The following MED15 variants were observed in gnomAD, a reference collection of about 807,000 sequenced individuals.
MED15 encodes mediator complex subunit 15.
Under a neutral mutation model 118.7 loss-of-function variants are expected in MED15, and 41 were observed. The ratio of observed to expected loss-of-function variants is 0.35; its 90% CI spans 0.27 to 0.45. The LOEUF (loss-of-function observed/expected upper bound fraction) is 0.45, where lower values mean the gene tolerates loss of function less well. Among genes scored for constraint, MED15 ranks in the 20% least tolerant of loss-of-function variants. The probability of loss-of-function intolerance (pLI) is 1.00; values close to 1 mark genes in which losing one functional copy is unlikely to be tolerated. For synonymous variants in MED15, 436 were observed against 413.9 expected (o/e 1.05, Z -0.65); for missense variants, 740 against 1,025.5 (o/e 0.72, Z 3.80).
chr22:20,528,402 A>G (rs1356645724), intron 1 of MED15, among the ~76,000 whole-genome samples: 3 of 152,212 alleles, frequency 2.0e-5, no homozygotes, highest in African/African-American at 7.2e-5. Flanking sequence ...TCAGATCATC[A>G]GGCATTAGAT....
chr22:20,523,087 A>G (rs1267348660), intron 1 of MED15: 3 of 152,116 alleles, frequency 2.0e-5, no homozygotes, highest in Non-Finnish European at 2.9e-5. Context: ...TGACATATTG[A>G]TATATTTCCA....
chr22:20,522,096 C>G (rs2054484607), intron 1 of MED15: 1 of 152,094 alleles, frequency 6.6e-6, no homozygotes, highest in South Asian at 2.1e-4. Flanking sequence ...TATTTTGTGC[C>G]TAATGAACTT....
intron 8 of MED15, among the ~76,000 whole-genome samples, chr22:20,572,027 C>T (rs919322247): frequency 6.6e-6 from 1 of 152,160 alleles, no homozygotes; most frequent in Non-Finnish European, 1.5e-5. Flanking sequence ...CTTGTCATAC[C>T]CCTCTGTGAA....
intron 16 of MED15, 98 bp downstream of exon 16, chr22:20,585,365 CCA>C: frequency 4.0e-6 from 6 of 1,483,030 alleles, no homozygotes; most frequent in Non-Finnish European, 4.6e-6. Context: ...CGCCCAGAAC[CCA>C]CCCTGTGTTC....
In MED15 at chr22:20,507,719, C is replaced by A; in HGVS notation, c.41C>A (p.Ala14Asp). The stretch of plus-strand genomic sequence containing the variant: ...CAAGAGACCGACTGGCGGAGCACCG[C>A]CTTCCGGCAGAAGCTGGTCAGTCAA... ...SGQETDWRST[A>D]FRQKLVSQIE... The change falls in exon 1 of 18, where the codon GCC (alanine) becomes GAC (aspartate). Residue 14 changes from alanine to aspartate, a missense_variant. Ala to Asp is a moderately radical substitution (Grantham distance 126, BLOSUM62 -2). Transcript: ENST00000263205. 6.2e-7 allele frequency: 1 copy of A among 1,614,068 alleles called. No individual in the cohort carries two copies. The highest frequency in any genetic ancestry group is 8.5e-7 in the Non-Finnish European group (1 of 1,179,942).
chr22:20,557,260 C>T (rs748941798), intron 5 of MED15, among the ~76,000 whole-genome samples: 11 of 152,162 alleles, frequency 7.2e-5, no homozygotes, highest in African/African-American at 7.2e-5. Context: ...CCTACCCTAT[C>T]CTGTGTCAGG....
intron 13 of MED15, 23 bp downstream of exon 13, chr22:20,583,416 G>T: frequency 6.2e-7 from 1 of 1,611,226 alleles, no homozygotes; most frequent in South Asian, 1.1e-5. Flanking sequence ...CACAGCCCAC[G>T]GAGGGTCCAC....
At chr22:20,552,970 C>T (rs1402882690) in intron 3 of MED15, 175 bp from the exon 4 acceptor site, 1 of 608,996 alleles carries the variant, frequency 1.6e-6, no homozygotes, top group Admixed American at 3.2e-5. Context: ...CCCCAGGTCT[C>T]TTGTGGGGTC....
At chr22:20,565,854 G>A (rs1025390489) in intron 6 of MED15, among the ~76,000 whole-genome samples, 1 of 152,126 alleles carries the variant, frequency 6.6e-6, no homozygotes, top group African/African-American at 2.4e-5. Context: ...GAAGTTTCTA[G>A]GTATGCCCTT....
At chr22:20,533,468 T>C (rs1338171693) in intron 1 of MED15, among the ~76,000 whole-genome samples, 1 of 152,220 alleles carries the variant, frequency 6.6e-6, no homozygotes, top group Admixed American at 6.5e-5. Context: ...ACAGGGTCTG[T>C]TACTGGCCAC....
intron 1 of MED15, among the ~76,000 whole-genome samples, chr22:20,509,804 T>G (rs1035672711): frequency 3.3e-5 from 5 of 152,144 alleles, no homozygotes. Flanking sequence ...GATATCCCAC[T>G]TCAGGGTTCC....
rs185604191 is a variant in MED15, at chr22:20,510,502, G to A, written c.68+2756G>A. Among the ~76,000 whole-genome samples, 175 of 152,308 alleles carry A rather than the reference G, an allele frequency of 1.1e-3. 1 individual carries two copies. Among genetic ancestry groups the A allele is most frequent in the Non-Finnish European group, 2.0e-3 (136 of 68,024 alleles). On this transcript the variant is annotated intron_variant, in intron 1 of 17. Transcript: ENST00000263205. ...GGCCTATCAAGGCTGAAATCAAGAC[G>A]TTGGCAGGGTGCATTTCTTACTGAA...
intron 14 of MED15, 175 bp from the exon 15 acceptor site, chr22:20,584,680 T>C (rs1311802367): frequency 1.1e-6 from 1 of 925,920 alleles, no homozygotes; most frequent in Admixed American, 2.3e-5. Flanking sequence ...GAGGATAGGC[T>C]GTGGGGGTGG....
Position 20,586,931 on chromosome 22 carries a change from G to A in MED15, c.*227G>A. On this transcript the variant is annotated 3_prime_UTR_variant, in exon 18 of 18. Coordinates refer to ENST00000263205, the MANE Select transcript of MED15 (RefSeq NM_001003891.3). ...GGGCGTTGGCCGACTTCTTAGAGAA[G>A]GCCCTCCATGTGACTTCCTCCCAGG... 9.6e-6 allele frequency: 6 copies of A among 622,750 alleles called. No homozygotes were observed. Among genetic ancestry groups the A allele is most frequent in the Non-Finnish European group, 1.6e-5 (6 of 367,860 alleles). The allele number at this position is 622,750 out of a possible 1,614,324, so 38.6% of individuals were successfully genotyped here.
chr22:20,551,471 C>T lies in MED15; in HGVS notation c.192C>T (p.Ile64=). The T allele has an allele frequency of 6.2e-7, 1 of 1,614,142 alleles. No homozygotes were observed. The highest frequency in any genetic ancestry group is 8.5e-7 in the Non-Finnish European group (1 of 1,179,960). The change falls in exon 3 of 18, where the codon ATC becomes ATT. Residue 64 remains isoleucine, a synonymous_variant. Transcript: ENST00000263205. Reference sequence around the variant, plus strand: ...TTTCTCTCGTGGCCAGGCTCATTATCCATTTTCGAGACATTCGTAAGTAAG... The same window carrying T: ...TTTCTCTCGTGGCCAGGCTCATTATTCATTTTCGAGACATTCGTAAGTAAG... ...EYLSLVARLI[I]HFRDIHNKKS...
chr22:20,555,049 G>T lies in MED15; in HGVS notation c.352G>T (p.Ala118Ser). 6.2e-7 allele frequency: 1 copy of T among 1,612,754 alleles called. No homozygotes were observed. The highest frequency in any genetic ancestry group is 8.5e-7 in the Non-Finnish European group (1 of 1,179,972). ...TCTGGGCGGGATGGGTAGCCTTGGT[G>T]CCATGGGACAGCCAATGTCTCTCTC... The part of the protein sequence containing the change: ...QSLGGMGSLG[A>S]MGQPMSLSGQ... Residue 118 changes from alanine to serine, a missense_variant, in exon 5 of 18, where the codon GCC becomes TCC. Transcript: ENST00000263205.
At chr22:20,541,467 G>A (rs974183213) in intron 2 of MED15, among the ~76,000 whole-genome samples, 1 of 152,044 alleles carries the variant, frequency 6.6e-6, no homozygotes. Context: ...ATAAGCGTTG[G>A]CAAAGATGTA....
At chr22:20,563,701 T>G (rs923502579) in intron 5 of MED15, among the ~76,000 whole-genome samples, 7 of 152,216 alleles carry the variant, frequency 4.6e-5, no homozygotes, top group African/African-American at 1.7e-4. Context: ...ATGTTACCAT[T>G]GGAGGAAACT....
chr22:20,540,594 T>A (rs1601524743), intron 2 of MED15, among the ~76,000 whole-genome samples: 1 of 151,748 alleles, frequency 6.6e-6, no homozygotes, highest in Admixed American at 6.6e-5. Flanking sequence ...TTTAAAAAAT[T>A]AACTCAAAAT....
Sources: gnomAD v4.1 joint callset for allele counts (sites outside exome capture counted in the v4.1 genomes callset) on GRCh38, gnomAD v4.1.1 for gene constraint, MANE v1.5 for transcripts, NCBI Gene and HGNC (gene_info 2026-07-23, HGNC 2026-07-21) for gene names.